ARHGAP32: variants seen among roughly 807,000 people sequenced by gnomAD.
ARHGAP32 encodes the protein Rho GTPase activating protein 32, also known as rho GTPase-activating protein 32.
In ARHGAP32, 51 loss-of-function variants were observed where a neutral mutation model predicts 186.5. The ratio of observed to expected loss-of-function variants is 0.27; its 90% confidence interval spans 0.22 to 0.35. The LOEUF (loss-of-function observed/expected upper bound fraction) is 0.35, where lower values mean the gene tolerates loss of function less well. Ranked by LOEUF, ARHGAP32 falls within the 10% of genes least tolerant of loss-of-function variation. The pLI is 1.00. For synonymous variants in ARHGAP32, 950 were observed against 964.3 expected, an observed-to-expected ratio of 0.99 and a Z score of 0.27; for missense variants, 2,186 against 2,623.5, an observed-to-expected ratio of 0.83 and a Z score of 3.64.
intron 2 of ARHGAP32, among the ~76,000 whole-genome samples, chr11:129,129,664 G>C (rs896106646): frequency 1.3e-5 from 2 of 152,190 alleles, no homozygotes; most frequent in African/African-American, 4.8e-5. Flanking sequence ...GTAGACATGG[G>C]AGACTCCAAA....
chr11:129,228,678 A>T (rs1461809255), intron 1 of ARHGAP32, among the ~76,000 whole-genome samples: 1 of 152,096 alleles, frequency 6.6e-6, no homozygotes, highest in African/African-American at 2.4e-5. Flanking sequence ...GGACACAGGG[A>T]GAGAAACATC....
At chr11:129,086,308 G>A (rs867056557) in intron 6 of ARHGAP32, among the ~76,000 whole-genome samples, 1 of 152,078 alleles carries the variant, frequency 6.6e-6, no homozygotes, top group African/African-American at 2.4e-5. Flanking sequence ...CTGAATGAAT[G>A]TAAAATACAG....
At chr11:129,210,141 G>A (rs1299285279) in intron 1 of ARHGAP32, among the ~76,000 whole-genome samples, 1 of 152,172 alleles carries the variant, frequency 6.6e-6, no homozygotes, top group East Asian at 1.9e-4. Flanking sequence ...CAATGGCTAC[G>A]ACTGCTGAAA....
intron 1 of ARHGAP32, among the ~76,000 whole-genome samples, chr11:129,237,489 G>A (rs773879100): frequency 2.0e-5 from 3 of 152,134 alleles, no homozygotes; most frequent in Non-Finnish European, 2.9e-5. Flanking sequence ...GTGCTTTAGC[G>A]TGTTAAAGGA....
At chr11:129,043,373 C>CTTT (rs1162755786) in intron 10 of ARHGAP32, among the ~76,000 whole-genome samples, 3 of 83,726 alleles carry the variant, frequency 3.6e-5, no homozygotes, top group Non-Finnish European at 5.4e-5. Flanking sequence ...ATGCAAATTT[C>CTTT]TTTTTTTCTT....
rs1276530871 is a variant in ARHGAP32 at position 128,969,431 on chromosome 11, T to G, written c.5782A>C (p.Thr1928Pro). 1.2e-6 allele frequency: 2 copies of G among 1,614,202 alleles called. No homozygotes were observed. Among genetic ancestry groups the G allele is most frequent in the Non-Finnish European group, 1.7e-6 (2 of 1,180,028 alleles). ...LDYGSKGIPD[T>P]SEPVSYHNSG... ...TTGTGGTAGCTGACTGGCTCAGAAG[T>G]GTCTGGAATCCCTTTGGACCCATAA... The change falls in exon 23 of 23, where the codon ACT (threonine) becomes CCT (proline). Residue 1928 changes from threonine to proline, a missense_variant. Coordinates refer to ENST00000682385, the MANE Select transcript of ARHGAP32 (RefSeq NM_001378024.1). This position sits in a 1 kb window ranked among gnomAD's most constrained non-coding sequence, Gnocchi z 4.8.
intron 1 of ARHGAP32, among the ~76,000 whole-genome samples, chr11:129,174,246 T>A (rs1184669409): frequency 6.6e-6 from 1 of 152,124 alleles, no homozygotes; most frequent in African/African-American, 2.4e-5. Flanking sequence ...GCCTAAAAAA[T>A]GGCGCACCAG....
intron 2 of ARHGAP32, among the ~76,000 whole-genome samples, chr11:129,141,287 T>A (rs748478709): frequency 9.3e-5 from 14 of 151,300 alleles, no homozygotes; most frequent in Non-Finnish European, 2.1e-4. Flanking sequence ...CTCTCAGCAT[T>A]GCCATAAAAA....
chr11:129,227,819 T>C (rs189579424), intron 1 of ARHGAP32, among the ~76,000 whole-genome samples: 1 of 152,228 alleles, frequency 6.6e-6, no homozygotes. Context: ...ACTTTCAGTA[T>C]TGGATAAAAT....
At chr11:129,259,938 G>A (rs1400887700) in intron 1 of ARHGAP32, among the ~76,000 whole-genome samples, 2 of 152,088 alleles carry the variant, frequency 1.3e-5, no homozygotes, top group Admixed American at 1.3e-4. Flanking sequence ...AGAAAACAAG[G>A]AGAAAGCATA....
intron 1 of ARHGAP32, among the ~76,000 whole-genome samples, chr11:129,231,454 C>A (rs1430785753): frequency 6.6e-6 from 1 of 152,078 alleles, no homozygotes; most frequent in Non-Finnish European, 1.5e-5. Flanking sequence ...AAATTATATA[C>A]AACTTTAAAT....
upstream of ARHGAP32, among the ~76,000 whole-genome samples, chr11:129,196,560 G>A (rs192874003): frequency 1.3e-5 from 2 of 152,138 alleles, no homozygotes; most frequent in Non-Finnish European, 2.9e-5. Context: ...TCCTGGAAAC[G>A]ATTTCCCCAT....
intron 9 of ARHGAP32, 90 bp downstream of exon 9, chr11:129,063,812 T>A (rs539493871): frequency 4.7e-4 from 650 of 1,370,348 alleles, no homozygotes; most frequent in African/African-American, 3.6e-3. Flanking sequence ...TTCATTTTTT[T>A]AAAAATTAAG....
At chr11:129,182,817 T>A (rs1370276408) in intron 1 of ARHGAP32, among the ~76,000 whole-genome samples, 1 of 151,968 alleles carries the variant, frequency 6.6e-6, no homozygotes, top group Non-Finnish European at 1.5e-5. Context: ...CTAAGTTTTT[T>A]ATTTTTCTTT....
At chr11:129,127,181 G>T (rs1335672451) in intron 2 of ARHGAP32, among the ~76,000 whole-genome samples, 1 of 152,110 alleles carries the variant, frequency 6.6e-6, no homozygotes, top group East Asian at 1.9e-4. Context: ...CCTATAATCC[G>T]AATGAGGGAG....
At chr11:129,029,922 G>GT (rs1409750792) in intron 11 of ARHGAP32, among the ~76,000 whole-genome samples, 5 of 150,030 alleles carry the variant, frequency 3.3e-5, no homozygotes, top group Admixed American at 1.3e-4. Flanking sequence ...CAATGGAAAT[G>GT]TAAGTATTCA....
chr11:129,016,906 C>T (rs1405470549), intron 11 of ARHGAP32, among the ~76,000 whole-genome samples: 1 of 152,170 alleles, frequency 6.6e-6, no homozygotes, highest in Non-Finnish European at 1.5e-5. Context: ...GTTCAAATTT[C>T]CTTTCATAAA....
chr11:128,994,591 T>C (rs905146518), intron 12 of ARHGAP32, among the ~76,000 whole-genome samples: 1 of 152,190 alleles, frequency 6.6e-6, no homozygotes, highest in Admixed American at 6.5e-5. Context: ...AGAGCTAAGA[T>C]TACAGGCATG....
intron 1 of ARHGAP32, among the ~76,000 whole-genome samples, chr11:129,185,640 A>G (rs1262804951): frequency 1.3e-5 from 2 of 152,174 alleles, no homozygotes; most frequent in African/African-American, 4.8e-5. Context: ...AATCTGAATG[A>G]AAAGCAAAAA....
Sources: allele counts gnomAD v4.1 joint callset (sites outside exome capture counted in the v4.1 genomes callset), GRCh38; gene constraint gnomAD v4.1.1; non-coding constraint Gnocchi (gnomAD v3.1); transcripts MANE v1.5; gene names NCBI Gene and HGNC (gene_info 2026-07-23, HGNC 2026-07-21).